The following ADK variants were observed in gnomAD, a reference collection of about 807,000 sequenced individuals.
ADK encodes the protein adenosine kinase.
A neutral mutation model predicts 44.7 loss-of-function variants in ADK; 24 were observed. That is an observed-to-expected ratio of 0.54 (90% confidence interval 0.39 to 0.76). The LOEUF is 0.76. Ranked by LOEUF, ADK falls within the 30% of genes least tolerant of loss-of-function variation. The pLI is 0.00. For missense variants in ADK, 321 were observed against 425.1 expected (o/e 0.76, Z 2.15); for synonymous variants, 128 against 142.6 (o/e 0.90, Z 0.73).
At position 74,371,811 on chromosome 10, in the gene ADK, G is replaced by A. The variant is rs1004572587; in HGVS notation, c.274-22330G>A. The A allele has an allele frequency of 4.8e-6, 6 of 1,242,596 alleles. No homozygotes were observed. In the African/African-American group the frequency reaches 8.8e-5, roughly 18 times the overall value. The allele number at this position is 1,242,596 out of a possible 1,614,324, so 77.0% of individuals were successfully genotyped here. On this transcript the variant is annotated intron_variant, in intron 4 of 10. Transcript: ENST00000539909. The stretch of plus-strand genomic sequence containing the variant: ...AAGGGCTGTGCTGAAGTTTGCTGCT[G>A]CCACTGGAGCCACTCCAATTGTTGG...
At chr10:74,425,738 GC>G (rs774866931) in intron 6 of ADK, among the ~76,000 whole-genome samples, 3 of 152,150 alleles carry the variant, frequency 2.0e-5, no homozygotes, top group Non-Finnish European at 2.9e-5. Context: ...CTGAGTGTTT[GC>G]CTACCCCTCT....
chr10:74,266,069 A>G (rs746127580), intron 3 of ADK, among the ~76,000 whole-genome samples: 100 of 152,200 alleles, frequency 6.6e-4, no homozygotes, highest in Non-Finnish European at 2.2e-4. Context: ...GTATGTATAT[A>G]TAAATGAGAC....
Position 74,189,629 on chromosome 10 carries a change from A to C in ADK, c.66-11135A>C, listed in dbSNP as rs78969874. On this transcript the variant is annotated intron_variant, in intron 1 of 10. Coordinates refer to ENST00000539909, the MANE Select transcript of ADK (RefSeq NM_006721.4). ...CAGCTACTGTAAAATGCACCACTTA[A>C]AAATTGCACAGCTCAGTAGTTTTCA... Among the ~76,000 whole-genome samples, 359 of 152,340 alleles carry C rather than the reference A, an allele frequency of 2.4e-3. 1 individual carries two copies. The highest frequency in any genetic ancestry group is 7.6e-3 in the African/African-American group (317 of 41,580).
intron 3 of ADK, among the ~76,000 whole-genome samples, chr10:74,293,371 A>T (rs984441638): frequency 6.6e-6 from 1 of 152,166 alleles, no homozygotes; most frequent in African/African-American, 2.4e-5. Context: ...AGTGGGGTTT[A>T]TTCTAAGCTG....
chr10:74,657,078 T>A (rs1854515975), intron 9 of ADK, among the ~76,000 whole-genome samples: 1 of 152,070 alleles, frequency 6.6e-6, no homozygotes. Flanking sequence ...TTTTTCAAAT[T>A]TTTTGTAGAA....
chr10:74,437,272 G>GT (rs1462701382), intron 6 of ADK, among the ~76,000 whole-genome samples: 47 of 151,986 alleles, frequency 3.1e-4, no homozygotes, highest in Non-Finnish European at 6.8e-4. Context: ...ATTGTCATAG[G>GT]TTTCTTAGTT....
At chr10:74,269,300 GATAGTGATGGA>G (rs1463115881) in intron 3 of ADK, among the ~76,000 whole-genome samples, 2 of 152,136 alleles carry the variant, frequency 1.3e-5, no homozygotes, top group Non-Finnish European at 2.9e-5. Flanking sequence ...TGAAACTCTT[GATAGTGATGGA>G]ATAGAACTAA....
At chr10:74,418,018 G>A (rs967666994) in intron 6 of ADK, among the ~76,000 whole-genome samples, 3 of 151,916 alleles carry the variant, frequency 2.0e-5, no homozygotes, top group Admixed American at 2.0e-4. Flanking sequence ...GCCTTAAGTA[G>A]GAAAGAAACA....
chr10:74,153,396 C>G (rs553850018), intron 1 of ADK, among the ~76,000 whole-genome samples: 1 of 152,196 alleles, frequency 6.6e-6, no homozygotes, highest in Non-Finnish European at 1.5e-5. Flanking sequence ...TGGCCAAATA[C>G]GTCAACGGTG....
intron 7 of ADK, among the ~76,000 whole-genome samples, chr10:74,574,157 ACTTT>A (rs1336843866): frequency 1.4e-5 from 2 of 147,650 alleles, no homozygotes; most frequent in African/African-American, 5.0e-5. Flanking sequence ...TGGCTCCGCT[ACTTT>A]CTTTCTTTTT....
chr10:74,253,068 G>A (rs1175364483), intron 3 of ADK, among the ~76,000 whole-genome samples: 2 of 152,214 alleles, frequency 1.3e-5, no homozygotes, highest in Non-Finnish European at 2.9e-5. Flanking sequence ...ATGTAGTTTT[G>A]CAGGGCAGGT....
chr10:74,673,463 T>C (rs575006698), intron 10 of ADK, among the ~76,000 whole-genome samples: 21 of 152,282 alleles, frequency 1.4e-4, no homozygotes, highest in Middle Eastern at 3.4e-3. Context: ...TCTCCACTGC[T>C]CACAGGAGGG....
At chr10:74,665,736 TG>T (rs1854923316) in intron 9 of ADK, among the ~76,000 whole-genome samples, 1 of 116,208 alleles carries the variant, frequency 8.6e-6, no homozygotes, top group Non-Finnish European at 1.7e-5. Flanking sequence ...CCTTAGCTCT[TG>T]AGAGAGAGAG....
intron 3 of ADK, among the ~76,000 whole-genome samples, chr10:74,276,764 T>A (rs978494169): frequency 4.6e-5 from 7 of 152,208 alleles, no homozygotes; most frequent in Admixed American, 2.0e-4. Flanking sequence ...TTAATCTCAG[T>A]GGTGTTTACC....
At chr10:74,598,641 G>A (rs992315041) in intron 8 of ADK, among the ~76,000 whole-genome samples, 1 of 151,598 alleles carries the variant, frequency 6.6e-6, no homozygotes, top group African/African-American at 2.4e-5. Flanking sequence ...AGTAAAGACG[G>A]GATTTCACCA....
intron 3 of ADK, among the ~76,000 whole-genome samples, chr10:74,283,634 CTT>C (rs1222253796): frequency 2.0e-4 from 24 of 118,778 alleles, no homozygotes; most frequent in Middle Eastern, 4.3e-3. Flanking sequence ...TCATCTTCAT[CTT>C]TTTTTTTTTT....
At chr10:74,558,596 C>A (rs78656957) in intron 7 of ADK, among the ~76,000 whole-genome samples, 1 of 152,216 alleles carries the variant, frequency 6.6e-6, no homozygotes, top group South Asian at 2.1e-4. Context: ...TATAAGTTTC[C>A]TGAGGCCTCC....
intron 4 of ADK, among the ~76,000 whole-genome samples, chr10:74,375,220 G>T (rs183971623): frequency 6.6e-6 from 1 of 152,182 alleles, no homozygotes. Context: ...GTTTGTAGAT[G>T]TCTGTTGCCA....
At chr10:74,687,947 T>C (rs1180497369) in intron 10 of ADK, among the ~76,000 whole-genome samples, 1 of 152,240 alleles carries the variant, frequency 6.6e-6, no homozygotes, top group Admixed American at 6.5e-5. Context: ...AGTTGAATTA[T>C]TTCATTCCCC....
Sources: gnomAD v4.1 joint callset for allele counts (sites outside exome capture counted in the v4.1 genomes callset) on GRCh38, gnomAD v4.1.1 for gene constraint, MANE v1.5 for transcripts, NCBI Gene and HGNC (gene_info 2026-07-23, HGNC 2026-07-21) for gene names.